ST18: variants seen among roughly 807,000 people sequenced by gnomAD.
ST18 encodes suppression of tumorigenicity 18 protein.
ST18 carries 50 observed loss-of-function variants against 110.0 expected under a neutral mutation model. The observed-to-expected ratio is 0.45, with a 90% CI of 0.36 to 0.58. The LOEUF is 0.58. Ranked by LOEUF, ST18 falls within the 20% of genes least tolerant of loss-of-function variation. The pLI is 0.00. For missense variants in ST18, 1,306 were observed against 1,280.1 expected (o/e 1.02, Z -0.31); for synonymous variants, 461 against 452.4 (o/e 1.02, Z -0.24).
chr8:52,239,677 G>A (rs979498260), intron 2 of ST18, among the ~76,000 whole-genome samples: 7 of 152,096 alleles, frequency 4.6e-5, no homozygotes, highest in East Asian at 1.9e-4. Context: ...TGATCCAAAC[G>A]CATGACTTTT....
In ST18 at chr8:52,172,488, G is replaced by C; in HGVS notation, c.373C>G (p.Leu125Val). 6.2e-7 allele frequency: 1 copy of C among 1,613,636 alleles called. No individual in the cohort carries two copies. Among genetic ancestry groups the C allele is most frequent in the Non-Finnish European group, 8.5e-7 (1 of 1,179,964 alleles). The change falls in exon 10 of 26, where the codon CTC becomes GTC. Residue 125 changes from leucine (L) to valine (V), a missense_variant. Transcript: ENST00000689386. ...KEDRYSCYQE[L>V]MVKSLMHLGK... Reference sequence around the variant, plus strand: ...AAGTGCATTAAAGACTTGACCATGAGCTCTTGATAACAAGAGTATCTGTCT... The same window carrying C: ...AAGTGCATTAAAGACTTGACCATGACCTCTTGATAACAAGAGTATCTGTCT...
intron 2 of ST18, among the ~76,000 whole-genome samples, chr8:52,376,724 A>G (rs1323588092): frequency 3.3e-5 from 5 of 152,140 alleles, no homozygotes; most frequent in Non-Finnish European, 7.3e-5. Context: ...CACAGTGAGC[A>G]TTCAAGCCAC....
intron 16 of ST18, among the ~76,000 whole-genome samples, chr8:52,146,851 A>G (rs981074440): frequency 6.6e-6 from 1 of 152,242 alleles, no homozygotes; most frequent in Admixed American, 6.5e-5. Context: ...AGAGTGATTC[A>G]GAAGTACTTT....
At chr8:52,141,232 T>A (rs886902151) in intron 17 of ST18, among the ~76,000 whole-genome samples, 1 of 152,210 alleles carries the variant, frequency 6.6e-6, no homozygotes, top group Non-Finnish European at 1.5e-5. Flanking sequence ...GGCAAACTGA[T>A]GACGGACTCG....
At position 52,225,308 on chromosome 8, in the gene ST18, T is replaced by C. The variant is rs193140549; in HGVS notation, c.-418-3515A>G. On this transcript the variant is annotated intron_variant, in intron 3 of 25. Transcript: ENST00000689386. ...TTAACATAACTGCATTTAGATGCCA[T>C]TCATGACTGATAATTCTAACACCTT... 3.3e-5 allele frequency among the ~76,000 whole-genome samples: 5 copies of C among 152,362 alleles called. No individual in the cohort carries two copies. In the East Asian group the frequency reaches 9.6e-4, roughly 29 times the overall value.
At chr8:52,311,196 G>T (rs2095900547) in intron 2 of ST18, among the ~76,000 whole-genome samples, 1 of 152,144 alleles carries the variant, frequency 6.6e-6, no homozygotes, top group African/African-American at 2.4e-5. Context: ...GGGCTACCTT[G>T]TGGGCAACTG....
chr8:52,132,766 A>G (rs934570724), intron 21 of ST18, among the ~76,000 whole-genome samples: 2 of 152,236 alleles, frequency 1.3e-5, no homozygotes, highest in African/African-American at 4.8e-5. Flanking sequence ...AAATGCTGCC[A>G]TATTTATCAT....
intron 2 of ST18, among the ~76,000 whole-genome samples, chr8:52,293,737 G>A (rs939384371): frequency 9.9e-5 from 15 of 152,104 alleles, no homozygotes; most frequent in Non-Finnish European, 2.1e-4. Flanking sequence ...GGTAAATGGG[G>A]ATAATGCTTT....
intron 2 of ST18, among the ~76,000 whole-genome samples, chr8:52,366,206 C>T (rs1185668536): frequency 6.6e-6 from 1 of 152,112 alleles, no homozygotes; most frequent in Non-Finnish European, 1.5e-5. Flanking sequence ...CCAGAGCCCA[C>T]CTGTTCCCAC....
intron 8 of ST18, among the ~76,000 whole-genome samples, chr8:52,184,136 T>C (rs1227039397): frequency 1.3e-5 from 2 of 152,176 alleles, no homozygotes; most frequent in Non-Finnish European, 2.9e-5. Context: ...CTTCTCAAGG[T>C]TGCCAGAAAT....
At chr8:52,250,661 CA>C (rs10640311) in intron 2 of ST18, among the ~76,000 whole-genome samples, 177 of 141,964 alleles carry the variant, frequency 1.2e-3, no homozygotes, top group Middle Eastern at 7.2e-3. Flanking sequence ...AATCACCATC[CA>C]AAAAAAAAAA....
chr8:52,408,371 C>G (rs545075309), intron 2 of ST18, among the ~76,000 whole-genome samples: 1 of 152,154 alleles, frequency 6.6e-6, no homozygotes, highest in Admixed American at 6.5e-5. Context: ...CACCAACTGC[C>G]GGAAAATCAG....
chr8:52,353,244 C>T (rs139116487), intron 2 of ST18, among the ~76,000 whole-genome samples: 3 of 152,230 alleles, frequency 2.0e-5, no homozygotes, highest in South Asian at 2.1e-4. Flanking sequence ...CTCACACTGT[C>T]GAAGCACTTT....
At chr8:52,143,147 T>G (rs2055893964) in intron 16 of ST18, 102 bp from the exon 17 acceptor site, 4 of 704,784 alleles carry the variant, frequency 5.7e-6, no homozygotes, top group Non-Finnish European at 9.8e-6. Context: ...AGTTTTGGCT[T>G]TGGACTTGGA....
chr8:52,205,715 G>A (rs1211743705), intron 8 of ST18, among the ~76,000 whole-genome samples: 1 of 151,940 alleles, frequency 6.6e-6, no homozygotes, highest in Admixed American at 6.6e-5. Flanking sequence ...TTACAGGTGC[G>A]TGCCACCACC....
intron 2 of ST18, among the ~76,000 whole-genome samples, chr8:52,289,373 T>A (rs2095519097): frequency 6.6e-6 from 1 of 152,090 alleles, no homozygotes; most frequent in Non-Finnish European, 1.5e-5. Context: ...GGCAGGAGAA[T>A]CACCTGAGCC....
At chr8:52,219,032 C>A (rs2085578343) in intron 5 of ST18, among the ~76,000 whole-genome samples, 2 of 152,090 alleles carry the variant, frequency 1.3e-5, no homozygotes. Context: ...CCCAGACCAC[C>A]AAACAACTAG....
Position 52,269,579 on chromosome 8 carries a change from C to T in ST18, c.-464-39502G>A, listed in dbSNP as rs10086705. On this transcript the variant is annotated intron_variant, in intron 2 of 25. Coordinates refer to ENST00000689386, the MANE Select transcript of ST18 (RefSeq NM_001352837.2). ...ACCAGAAGCCACATGTTGGAGTGGT[C>T]TTTGGGCAAATTAGAGTGCATTATG... 6.7e-3 allele frequency among the ~76,000 whole-genome samples: 1,021 copies of T among 152,248 alleles called. 11 individuals carry two copies. Among genetic ancestry groups the T allele is most frequent in the African/African-American group, 0.023 (970 of 41,552 alleles).
chr8:52,386,987 AT>A (rs1282472902), intron 2 of ST18, among the ~76,000 whole-genome samples: 2 of 152,190 alleles, frequency 1.3e-5, no homozygotes, highest in Non-Finnish European at 2.9e-5. Context: ...TGCAAAACAC[AT>A]TCAGCTTTTT....
Sources: gnomAD v4.1 joint callset for allele counts (sites outside exome capture counted in the v4.1 genomes callset) on GRCh38, gnomAD v4.1.1 for gene constraint, MANE v1.5 for transcripts, NCBI Gene and HGNC (gene_info 2026-07-23, HGNC 2026-07-21) for gene names.